The following TPRG1 variants were observed in gnomAD, a reference collection of about 807,000 sequenced individuals.
TPRG1 encodes tumor protein p63-regulated gene 1 protein.
A neutral mutation model predicts 29.3 loss-of-function variants in TPRG1; 29 were observed. That is an observed-to-expected ratio of 0.99 (90% CI 0.74 to 1.35). The LOEUF (loss-of-function observed/expected upper bound fraction) is 1.35, where lower values mean the gene tolerates loss of function less well. TPRG1 is among the 40% of genes most tolerant of loss of function. The pLI is 0.00. For missense variants in TPRG1, 327 were observed against 335.0 expected, an observed-to-expected ratio of 0.98 and a Z score of 0.19; for synonymous variants, 130 against 116.8, an observed-to-expected ratio of 1.11 and a Z score of -0.73.
At chr3:189,269,406 T>A (rs1006767274) in intron 4 of TPRG1, among the ~76,000 whole-genome samples, 3 of 152,198 alleles carry the variant, frequency 2.0e-5, no homozygotes, top group Admixed American at 2.0e-4. Flanking sequence ...TGTAATAATA[T>A]TTGCTGATGT....
chr3:189,156,988 A>G (rs1324488398), intron 5 of TPRG1, among the ~76,000 whole-genome samples: 1 of 152,182 alleles, frequency 6.6e-6, no homozygotes, highest in Non-Finnish European at 1.5e-5. Flanking sequence ...ATCCTCAGCC[A>G]GTGACAAAAG....
At chr3:189,269,632 T>A (rs1160358250) in intron 4 of TPRG1, among the ~76,000 whole-genome samples, 1 of 152,226 alleles carries the variant, frequency 6.6e-6, no homozygotes, top group East Asian at 1.9e-4. Flanking sequence ...AATTATGATG[T>A]GTTTAGAGCC....
chr3:189,148,100 A>T (rs1322909005), intron 4 of TPRG1, among the ~76,000 whole-genome samples: 1 of 152,204 alleles, frequency 6.6e-6, no homozygotes, highest in Admixed American at 6.5e-5. Flanking sequence ...TGGTGTTTGT[A>T]GGATTTGTTT....
chr3:189,237,326 G>A (rs903422860), intron 3 of TPRG1, among the ~76,000 whole-genome samples: 26 of 151,920 alleles, frequency 1.7e-4, no homozygotes, highest in African/African-American at 6.3e-4. Flanking sequence ...CACACACACA[G>A]GGTTGGTGCT....
At chr3:189,317,617 T>C (rs1438830820) in intron 5 of TPRG1, among the ~76,000 whole-genome samples, 13 of 152,192 alleles carry the variant, frequency 8.5e-5, no homozygotes, top group Admixed American at 8.5e-4. Context: ...GCTATGTGAG[T>C]ATCATAGTTC....
chr3:189,218,120 C>T (rs922669997), intron 3 of TPRG1: 6 of 782,306 alleles, frequency 7.7e-6, no homozygotes, highest in Non-Finnish European at 1.5e-6. Flanking sequence ...AAGATTCTCT[C>T]TTTTTTTTTT....
At chr3:189,143,341 A>G (rs1366176381) in intron 3 of TPRG1, among the ~76,000 whole-genome samples, 2 of 152,222 alleles carry the variant, frequency 1.3e-5, no homozygotes, top group Non-Finnish European at 2.9e-5. Context: ...AAGGTTGACA[A>G]TGAGGACACA....
intron 4 of TPRG1, among the ~76,000 whole-genome samples, chr3:189,308,992 A>AT (rs1722038640): frequency 7.0e-6 from 1 of 143,500 alleles, no homozygotes; most frequent in African/African-American, 2.6e-5. Context: ...TTTTTCTTCT[A>AT]TTTTTCTATT....
chr3:189,119,982 A>G (rs1721640468), intron 1 of TPRG1, among the ~76,000 whole-genome samples: 1 of 152,196 alleles, frequency 6.6e-6, no homozygotes, highest in Admixed American at 6.5e-5. Context: ...AGTGGCATCT[A>G]GAGCACTCCA....
chr3:189,019,559 GC>G (rs1293132567), intron 3 of TPRG1, among the ~76,000 whole-genome samples: 5 of 152,188 alleles, frequency 3.3e-5, no homozygotes, highest in Admixed American at 1.3e-4. Context: ...TATTGAACCA[GC>G]CTTGCATCCC....
At chr3:189,101,462 A>AC (rs1000164396) in intron 1 of TPRG1, among the ~76,000 whole-genome samples, 2 of 151,022 alleles carry the variant, frequency 1.3e-5, no homozygotes, top group Non-Finnish European at 2.9e-5. Flanking sequence ...TTTCACACTC[A>AC]CCCCCCACTG....
intron 4 of TPRG1, among the ~76,000 whole-genome samples, chr3:189,249,286 T>C (rs1293395019): frequency 6.6e-6 from 1 of 151,890 alleles, no homozygotes; most frequent in African/African-American, 2.4e-5. Context: ...TTTTTTGTTG[T>C]AGAAATATTC....
At chr3:189,102,881 G>T (rs1719368580) in intron 1 of TPRG1, among the ~76,000 whole-genome samples, 1 of 152,106 alleles carries the variant, frequency 6.6e-6, no homozygotes, top group Admixed American at 6.6e-5. Flanking sequence ...AAACGCCAGG[G>T]TCTACCAAAG....
Position 189,305,522 on chromosome 3 carries a change from A to T in TPRG1, c.480-4864A>T, listed in dbSNP as rs1043133041. On this transcript the variant is annotated intron_variant, in intron 4 of 5. Coordinates refer to ENST00000345063, the MANE Select transcript of TPRG1 (RefSeq NM_198485.4). ...ACTGTATAAAACTCACCCCTTCAGC[A>T]TGTCTTTGCTTTTTTTGTGTGTAGA... 3.9e-5 allele frequency among the ~76,000 whole-genome samples: 6 copies of T among 152,148 alleles called. 1 individual carries two copies. The highest frequency in any genetic ancestry group is 1.3e-4 in the Admixed American group (2 of 15,266).
chr3:189,289,762 C>A (rs1012348946), intron 4 of TPRG1, among the ~76,000 whole-genome samples: 3 of 152,138 alleles, frequency 2.0e-5, no homozygotes, highest in Non-Finnish European at 4.4e-5. Context: ...TATCAGATTA[C>A]CTTATTAAAA....
chr3:189,235,614 G>T (rs1739340715), intron 3 of TPRG1, among the ~76,000 whole-genome samples: 1 of 152,158 alleles, frequency 6.6e-6, no homozygotes. Context: ...GAAGAAGTTT[G>T]CTAGAAGGAA....
chr3:189,044,230 T>C (rs1464925317), intron 4 of TPRG1, among the ~76,000 whole-genome samples: 1 of 151,880 alleles, frequency 6.6e-6, no homozygotes, highest in Non-Finnish European at 1.5e-5. Flanking sequence ...ACTCTGGAGC[T>C]GGAGAGGTTA....
chr3:189,217,995 C>A, intron 3 of TPRG1: 1 of 985,404 alleles, frequency 1.0e-6, no homozygotes, highest in Non-Finnish European at 1.2e-6. Context: ...AACATGCAGG[C>A]CCAGAAAGGT....
At chr3:189,030,824 C>A (rs1713892924) in intron 4 of TPRG1, among the ~76,000 whole-genome samples, 1 of 152,158 alleles carries the variant, frequency 6.6e-6, no homozygotes, top group African/African-American at 2.4e-5. Flanking sequence ...TTGTCACTAT[C>A]CCATTTTACA....
Sources: gnomAD v4.1 joint callset for allele counts (sites outside exome capture counted in the v4.1 genomes callset) on GRCh38, gnomAD v4.1.1 for gene constraint, MANE v1.5 for transcripts, NCBI Gene and HGNC (gene_info 2026-07-23, HGNC 2026-07-21) for gene names.